The following DLD variants were observed in gnomAD, a reference collection of about 807,000 sequenced individuals.
The protein encoded by DLD is dihydrolipoyl dehydrogenase, mitochondrial.
In DLD, 36 loss-of-function variants were observed where a neutral mutation model predicts 62.2. The observed-to-expected ratio is 0.58, with a 90% confidence interval of 0.44 to 0.76. DLD has a LOEUF of 0.76. DLD is among the 30% of genes least tolerant of loss of function. DLD has a pLI of 0.00. For synonymous variants in DLD, 204 were observed against 199.6 expected (o/e 1.02, Z -0.19); for missense variants, 541 against 608.6 (o/e 0.89, Z 1.17).
Position 107,897,436 on chromosome 7 carries a change from C to T in DLD, c.118+4158C>T, listed in dbSNP as rs138600190. 7.2e-5 allele frequency among the ~76,000 whole-genome samples: 11 copies of T among 152,208 alleles called. No homozygotes were observed. The East Asian group carries it at 2.1e-3, about 29-fold the overall frequency. ...ATGCAAATTATTTAGTTGTTTTCAA[C>T]CTTTTCTTCCTCTGTTAATGGTAGT... On this transcript the variant is annotated intron_variant, in intron 2 of 13. Coordinates refer to ENST00000205402, the MANE Select transcript of DLD (RefSeq NM_000108.5).
intron 1 of DLD, 110 bp downstream of exon 1, chr7:107,891,399 G>T (rs765518946): frequency 4.5e-5 from 56 of 1,246,108 alleles, no homozygotes; most frequent in Non-Finnish European, 6.0e-5. Context: ...GGGCGCCTGG[G>T]CCGCACCACC....
At chr7:107,912,367 A>G (rs2116250800) in intron 8 of DLD, among the ~76,000 whole-genome samples, 1 of 152,174 alleles carries the variant, frequency 6.6e-6, no homozygotes, top group South Asian at 2.1e-4. Context: ...GCTGGCTCAT[A>G]TTGTAGTTTT....
At position 107,893,087 on chromosome 7, in the gene DLD, C is replaced by A. The variant is rs1011557809; in HGVS notation, c.40-113C>A. ...CTGTGTGGCAATGGAAGAAGATACA[C>A]TAATAATCCTCGCTTGATACGTTTG... On this transcript the variant is annotated intron_variant, in intron 1 of 13. Transcript: ENST00000205402. 7 of 704,120 alleles carry A rather than the reference C, an allele frequency of 9.9e-6. No homozygotes were observed. The African/African-American group carries it at 1.1e-4, about 11-fold the overall frequency. The allele number at this position is 704,120 out of a possible 1,614,324, so 43.6% of individuals were successfully genotyped here.
chr7:107,892,211 A>G (rs368632067), intron 1 of DLD, among the ~76,000 whole-genome samples: 3 of 152,198 alleles, frequency 2.0e-5, no homozygotes, highest in African/African-American at 7.2e-5. Flanking sequence ...TGCTGTGAGC[A>G]GGGGTTATTT....
At chr7:107,917,786 G>A in intron 11 of DLD, 138 bp from the exon 12 acceptor site, 3 of 1,090,024 alleles carry the variant, frequency 2.8e-6, no homozygotes, top group South Asian at 1.3e-5. Context: ...CAGTCTTCTG[G>A]TCTTTCCTTT....
chr7:107,891,170 A>T (rs1007409485), upstream of DLD: 1 of 1,556,866 alleles, frequency 6.4e-7, no homozygotes, highest in African/African-American at 1.4e-5. Flanking sequence ...GTGCATGCGC[A>T]GGGAGGGGAG....
rs149000155 is a variant in DLD, at chr7:107,896,164, A to T, written c.118+2886A>T. On this transcript the variant is annotated intron_variant, in intron 2 of 13. Transcript: ENST00000205402. ...TACTTAGGAACATGGGCTTTATCTA[A>T]CAAGACACTGGAGAACCAACAGAGC... 5.0e-3 allele frequency among the ~76,000 whole-genome samples: 760 copies of T among 152,352 alleles called. 6 individuals are homozygous for T. The highest frequency in any genetic ancestry group is 8.5e-3 in the Non-Finnish European group (575 of 68,034).
upstream of DLD, chr7:107,891,112 C>A: frequency 9.1e-6 from 10 of 1,094,738 alleles, no homozygotes; most frequent in Non-Finnish European, 1.4e-5. Context: ...GCGGTAGAAC[C>A]GCGCGGGCCA....
intron 5 of DLD, 200 bp downstream of exon 5, chr7:107,903,747 C>G: frequency 2.2e-6 from 1 of 449,880 alleles, no homozygotes; most frequent in South Asian, 2.3e-5. Context: ...TATAACCAAG[C>G]CTAACCCTGC....
intron 8 of DLD, 57 bp from the exon 9 acceptor site, chr7:107,915,449 G>T (rs192707708): frequency 2.6e-6 from 4 of 1,543,794 alleles, no homozygotes; most frequent in African/African-American, 1.4e-5. Context: ...AGATGATTTC[G>T]TAAACATTTG....
intron 4 of DLD, among the ~76,000 whole-genome samples, chr7:107,902,644 A>ACAT (rs1562913871): frequency 1.3e-5 from 2 of 152,174 alleles, no homozygotes; most frequent in Non-Finnish European, 2.9e-5. Context: ...TTCCATTCAA[A>ACAT]CAGACTCTGA....
At position 107,919,747 on chromosome 7, in the gene DLD, G is replaced by T; in HGVS notation, c.*488G>T. 1 of 155,590 alleles carries T rather than the reference G, an allele frequency of 6.4e-6. No homozygotes were observed. Among genetic ancestry groups the T allele is most frequent in the Non-Finnish European group, 1.4e-5 (1 of 70,188 alleles). 9.6% of individuals were successfully genotyped at this position (155,590 alleles called of 1,614,324 possible). On this transcript the variant is annotated 3_prime_UTR_variant, in exon 14 of 14. Coordinates refer to ENST00000205402, the MANE Select transcript of DLD (RefSeq NM_000108.5). Reference sequence around the variant, plus strand: ...ATAAACCGAACTGATGTAAGTAAACGGTCTCTCACTTGTTTTATTTAACCT... The same window carrying T: ...ATAAACCGAACTGATGTAAGTAAACTGTCTCTCACTTGTTTTATTTAACCT...
intron 8 of DLD, among the ~76,000 whole-genome samples, chr7:107,908,154 T>G (rs1456880407): frequency 1.5e-5 from 1 of 68,438 alleles, no homozygotes; most frequent in East Asian, 4.5e-4. Flanking sequence ...TTTGTTTTTC[T>G]TTTTTTTTTT....
chr7:107,906,473 G>T, intron 8 of DLD, 105 bp downstream of exon 8: 3 of 747,610 alleles, frequency 4.0e-6, no homozygotes, highest in East Asian at 2.7e-5. Context: ...TCAGCATTGA[G>T]TTTTGCTTAA....
rs200714016 is a variant in DLD at position 107,896,838 on chromosome 7, G to GT, written c.118+3563dup. Among the ~76,000 whole-genome samples the GT allele has an allele frequency of 8.6e-3, 1,288 of 149,084 alleles. 14 individuals carry two copies. The highest frequency in any genetic ancestry group is 0.031 in the African/African-American group (1,224 of 39,520). On this transcript the variant is annotated intron_variant, in intron 2 of 13. Transcript: ENST00000205402. ...TTTTTAAAAATCTGGTTTTGTTTTT[G>GT]TTTGTTTTTTTTTTTGAGACAAAGT...
At chr7:107,918,310 C>T (rs2032320670) in intron 12 of DLD, among the ~76,000 whole-genome samples, 1 of 152,168 alleles carries the variant, frequency 6.6e-6, no homozygotes, top group African/African-American at 2.4e-5. Flanking sequence ...CCCTTAAAAT[C>T]CTCCAGTGGT....
At chr7:107,906,924 C>G (rs891881148) in intron 8 of DLD, among the ~76,000 whole-genome samples, 2 of 152,186 alleles carry the variant, frequency 1.3e-5, no homozygotes, top group Admixed American at 1.3e-4. Flanking sequence ...CTTGTAAACA[C>G]CAGGAATTGC....
At chr7:107,915,438 A>G (rs2032243240) in intron 8 of DLD, 68 bp from the exon 9 acceptor site, 10 of 1,512,116 alleles carry the variant, frequency 6.6e-6, no homozygotes, top group Non-Finnish European at 9.2e-6. Flanking sequence ...ATAAATTATT[A>G]AGATGATTTC....
intron 8 of DLD, among the ~76,000 whole-genome samples, chr7:107,909,843 T>G (rs2032097588): frequency 7.4e-6 from 1 of 135,340 alleles, no homozygotes. Context: ...AATTAACTTT[T>G]TTTTTTTTTT....
Sources: gnomAD v4.1 joint callset for allele counts (sites outside exome capture counted in the v4.1 genomes callset) on GRCh38, gnomAD v4.1.1 for gene constraint, MANE v1.5 for transcripts, NCBI Gene and HGNC (gene_info 2026-07-23, HGNC 2026-07-21) for gene names.